Variants in MEIS2 observed in about 807,000 individuals in gnomAD.
The protein encoded by MEIS2 is Meis homeobox 2, also known as homeobox protein Meis2.
MEIS2 carries 9 observed loss-of-function variants against 58.6 expected under a neutral mutation model. The observed-to-expected ratio is 0.15, with a 90% CI of 0.09 to 0.27. The LOEUF (loss-of-function observed/expected upper bound fraction) is 0.27, where lower values mean the gene tolerates loss of function less well. MEIS2 is among the 10% of genes least tolerant of loss of function. MEIS2 has a pLI of 1.00. For synonymous variants in MEIS2, 221 were observed against 228.4 expected (o/e 0.97, Z 0.29); for missense variants, 427 against 635.0 (o/e 0.67, Z 3.52).
At chr15:37,081,706 C>A (rs1324536833) in intron 7 of MEIS2, among the ~76,000 whole-genome samples, 2 of 151,926 alleles carry the variant, frequency 1.3e-5, no homozygotes, top group African/African-American at 4.8e-5. Context: ...AACTTCGATA[C>A]AGTAAAATGA....
intron 9 of MEIS2, among the ~76,000 whole-genome samples, chr15:36,930,106 G>A (rs893533935): frequency 2.0e-5 from 3 of 151,466 alleles, no homozygotes; most frequent in African/African-American, 7.3e-5. Flanking sequence ...GGGAGGTTGA[G>A]GCAGGAGAAT....
In MEIS2 at chr15:37,099,820, A is replaced by G. The variant is rs1295007729; in HGVS notation, c.-354T>C. On this transcript the variant is annotated 5_prime_UTR_variant, in exon 1 of 12. Coordinates refer to ENST00000561208, the MANE Select transcript of MEIS2 (RefSeq NM_170675.5). The stretch of plus-strand genomic sequence containing the variant: ...CCTCAGTTGGAAAAAAAAAGAAAGA[A>G]AAGAAAAAGAAGAAAAAGAAGAAAA... 1.6e-5 allele frequency: 4 copies of G among 247,144 alleles called. No homozygotes were observed. The highest frequency in any genetic ancestry group is 1.0e-4 in the African/African-American group (4 of 38,662). 15.3% of individuals were successfully genotyped at this position (247,144 alleles called of 1,614,324 possible). A position where few individuals can be genotyped will look rare whatever the true frequency, so the allele number is the denominator to read the frequency against.
At chr15:36,946,956 G>T (rs2058587468) in intron 9 of MEIS2, among the ~76,000 whole-genome samples, 1 of 151,890 alleles carries the variant, frequency 6.6e-6, no homozygotes, top group South Asian at 2.1e-4. Flanking sequence ...TTGCAAGGAG[G>T]TTATTCAGGT....
chr15:36,963,701 C>T (rs1363407220), intron 8 of MEIS2, among the ~76,000 whole-genome samples: 1 of 152,166 alleles, frequency 6.6e-6, no homozygotes, highest in East Asian at 1.9e-4. Flanking sequence ...GGTATTTGTA[C>T]AATTCTACGA....
intron 9 of MEIS2, among the ~76,000 whole-genome samples, chr15:36,932,720 T>C (rs2058028639): frequency 6.6e-6 from 1 of 152,090 alleles, no homozygotes; most frequent in Admixed American, 6.6e-5. Context: ...CATATTCCTC[T>C]GGGGATATGT....
intron 7 of MEIS2, among the ~76,000 whole-genome samples, chr15:37,063,443 A>T (rs558417467): frequency 5.9e-5 from 9 of 152,216 alleles, no homozygotes; most frequent in African/African-American, 1.7e-4. Context: ...TAGCCCCACC[A>T]CTTTCTAGAT....
Position 37,096,449 on chromosome 15 carries a change from CAG to C in MEIS2, c.246-21_246-20del, listed in dbSNP as rs756039955. The C allele has an allele frequency of 1.3e-5, 21 of 1,610,274 alleles. No individual in the cohort carries two copies. The South Asian group carries it at 2.2e-4, about 17-fold the overall frequency. On this transcript the variant is annotated intron_variant, in intron 2 of 11. Transcript: ENST00000561208. ...CGGGTGCCTAACGGGCAGCGCCACGCAGAGACACACACACAGAGACGGGGTGC... is the reference window on the plus strand; with the variant it reads ...CGGGTGCCTAACGGGCAGCGCCACGCAGACACACACACAGAGACGGGGTGC...
chr15:36,912,831 G>GA (rs76421752), intron 9 of MEIS2, among the ~76,000 whole-genome samples: 22,967 of 100,660 alleles, frequency 0.23, 2,329 homozygotes, highest in East Asian at 0.46. Context: ...CCCCACTCCT[G>GA]AAAAAAAAAA....
chr15:37,093,879 G>A (rs1438251656), intron 5 of MEIS2, 149 bp from the exon 6 acceptor site: 1 of 952,462 alleles, frequency 1.0e-6, no homozygotes, highest in South Asian at 1.7e-5. Flanking sequence ...TAATTAAAGG[G>A]TGTAATAGTT....
At chr15:36,982,327 A>G (rs2059954911) in intron 8 of MEIS2, among the ~76,000 whole-genome samples, 2 of 152,148 alleles carry the variant, frequency 1.3e-5, no homozygotes, top group African/African-American at 4.8e-5. Flanking sequence ...CTCCCAGCCC[A>G]TGGCAATCAC....
intron 7 of MEIS2, among the ~76,000 whole-genome samples, chr15:37,082,309 C>G (rs1271653738): frequency 2.0e-5 from 3 of 152,180 alleles, no homozygotes; most frequent in Admixed American, 6.5e-5. Flanking sequence ...CTCATTAGAC[C>G]ATTAAGTCGG....
At position 36,891,999 on chromosome 15, in the gene MEIS2, T is replaced by G; in HGVS notation, c.*174A>C. On this transcript the variant is annotated 3_prime_UTR_variant, in exon 12 of 12. Coordinates refer to ENST00000561208, the MANE Select transcript of MEIS2 (RefSeq NM_170675.5). The stretch of plus-strand genomic sequence containing the variant: ...AGAATTGTCTCAGTCAGCCCATGAT[T>G]TCACATTTGTGTTCTTGTTGCATTG... 7.1e-6 allele frequency: 5 copies of G among 700,548 alleles called. No homozygotes were observed. In the South Asian group the frequency reaches 8.9e-5, roughly 13 times the overall value. The allele number at this position is 700,548 out of a possible 1,614,324, so 43.4% of individuals were successfully genotyped here.
chr15:37,085,158 TA>T (rs1013904862), intron 6 of MEIS2, among the ~76,000 whole-genome samples: 2 of 152,018 alleles, frequency 1.3e-5, no homozygotes, highest in South Asian at 2.1e-4. Context: ...AGTATATCAC[TA>T]AAAAAACCAA....
chr15:36,973,350 G>A (rs1405277412), intron 8 of MEIS2, among the ~76,000 whole-genome samples: 2 of 152,210 alleles, frequency 1.3e-5, no homozygotes, highest in Admixed American at 6.5e-5. Context: ...CTATTGCCCC[G>A]GTAGAAAGAC....
chr15:36,995,990 T>TATATATATAC (rs2060494727), intron 8 of MEIS2, among the ~76,000 whole-genome samples: 1 of 51,876 alleles, frequency 1.9e-5, no homozygotes, highest in Non-Finnish European at 5.5e-5. Context: ...TATATATATA[T>TATATATATAC]ATATATATAT....
At chr15:36,965,251 T>C (rs1277859802) in intron 8 of MEIS2, among the ~76,000 whole-genome samples, 1 of 152,196 alleles carries the variant, frequency 6.6e-6, no homozygotes, top group Non-Finnish European at 1.5e-5. Context: ...ATGTTACCCA[T>C]TCTAATATAA....
At chr15:36,914,661 GC>G (rs1012521201) in intron 9 of MEIS2, among the ~76,000 whole-genome samples, 1 of 152,190 alleles carries the variant, frequency 6.6e-6, no homozygotes, top group Non-Finnish European at 1.5e-5. Flanking sequence ...CCCTGGGAGG[GC>G]TCTGGCTGAT....
intron 8 of MEIS2, among the ~76,000 whole-genome samples, chr15:37,000,795 TA>T (rs1166227605): frequency 6.6e-6 from 1 of 152,168 alleles, no homozygotes; most frequent in Non-Finnish European, 1.5e-5. Context: ...CCGTATTCTT[TA>T]AAAGAAGAGA....
chr15:36,966,651 C>T (rs1195977602), intron 8 of MEIS2, among the ~76,000 whole-genome samples: 1 of 152,134 alleles, frequency 6.6e-6, no homozygotes, highest in East Asian at 1.9e-4. Flanking sequence ...GAGTGCCAGG[C>T]ACTGTTACAG....
Sources: allele counts gnomAD v4.1 joint callset (sites outside exome capture counted in the v4.1 genomes callset), GRCh38; gene constraint gnomAD v4.1.1; transcripts MANE v1.5; gene names NCBI Gene and HGNC (gene_info 2026-07-23, HGNC 2026-07-21).